Variants in UBE2O observed in about 807,000 individuals in gnomAD.
UBE2O encodes (E3-independent) E2 ubiquitin-conjugating enzyme.
In UBE2O, 15 loss-of-function variants were observed where a neutral mutation model predicts 125.8. The ratio of observed to expected loss-of-function variants is 0.12; its 90% CI spans 0.08 to 0.18. The LOEUF is 0.18. Ranked by LOEUF, UBE2O falls within the 10% of genes least tolerant of loss-of-function variation. The probability of loss-of-function intolerance (pLI) is 1.00; values close to 1 mark genes in which losing one functional copy is unlikely to be tolerated. For missense variants in UBE2O, 1,280 were observed against 1,723.6 expected, an observed-to-expected ratio of 0.74 and a Z score of 4.56; for synonymous variants, 708 against 703.2, an observed-to-expected ratio of 1.01 and a Z score of -0.11.
At chr17:76,427,698 T>C (rs1415915047) in intron 1 of UBE2O, among the ~76,000 whole-genome samples, 6 of 152,232 alleles carry the variant, frequency 3.9e-5, no homozygotes, top group Non-Finnish European at 7.3e-5. Context: ...TCCTGCAACA[T>C]GTAGATGTTA....
At chr17:76,394,506 T>A (rs1038638737) in intron 15 of UBE2O, among the ~76,000 whole-genome samples, 1 of 152,196 alleles carries the variant, frequency 6.6e-6, no homozygotes, top group African/African-American at 2.4e-5. Flanking sequence ...AGAAACTAGA[T>A]CATTATGAAT....
chr17:76,424,872 T>A (rs2072780034), intron 1 of UBE2O, among the ~76,000 whole-genome samples: 1 of 148,870 alleles, frequency 6.7e-6, no homozygotes, highest in Admixed American at 6.7e-5. Context: ...TATTTTTTAT[T>A]TTTTTTTTTT....
rs373417537 is a variant in UBE2O, at chr17:76,404,987, C to T, written c.588+219G>A. Among the ~76,000 whole-genome samples the T allele has an allele frequency of 2.0e-3, 310 of 152,238 alleles. 2 individuals carry two copies. In the South Asian group the frequency reaches 0.026, roughly 13 times the overall value. ...AAGATAACCACACTGGCAGCCTATG[C>T]TGGGGTTGGGGAAGGGCACGTCCTG... On this transcript the variant is annotated intron_variant, in intron 3 of 17. Transcript: ENST00000319380. The surrounding 1 kb of genome is among the most constrained non-coding windows in gnomAD (Gnocchi z 4.3).
intron 1 of UBE2O, among the ~76,000 whole-genome samples, chr17:76,437,806 G>A (rs964838856): frequency 1.3e-5 from 2 of 152,154 alleles, no homozygotes; most frequent in African/African-American, 4.8e-5. Flanking sequence ...GGGATACGAG[G>A]ACTTTCTGTA....
intron 1 of UBE2O, among the ~76,000 whole-genome samples, chr17:76,440,832 T>G (rs937302903): frequency 6.6e-6 from 1 of 152,220 alleles, no homozygotes; most frequent in Non-Finnish European, 1.5e-5. Flanking sequence ...TGAGTTGTTG[T>G]GAAGGAGACA....
rs367658458 is a variant in UBE2O, at chr17:76,400,252, C to T, written c.1050G>A (p.Gly350=). The change falls in exon 8 of 18, where the codon GGG becomes GGA. Residue 350 remains glycine, a synonymous_variant. Coordinates refer to ENST00000319380, the MANE Select transcript of UBE2O (RefSeq NM_022066.4). The surrounding 1 kb of genome is among the most constrained non-coding windows in gnomAD (Gnocchi z 4.3). ...CTGGGAAGACATACAGACAGCGCTC[C>T]CCAAGCTGCCGCTGAGCATGGTCAA... ...GCFDHAQRQL[G]ERCLYVFPAK... is the part of the protein sequence containing the mutation. 1.2e-6 allele frequency: 2 copies of T among 1,613,982 alleles called. No homozygotes were observed. Among genetic ancestry groups the T allele is most frequent in the Non-Finnish European group, 1.7e-6 (2 of 1,180,014 alleles).
At chr17:76,442,939 T>A (rs1039358392) in intron 1 of UBE2O, among the ~76,000 whole-genome samples, 1 of 152,148 alleles carries the variant, frequency 6.6e-6, no homozygotes, top group African/African-American at 2.4e-5. Context: ...GCAAGAGGCC[T>A]CTCAAAGAAC....
intron 1 of UBE2O, among the ~76,000 whole-genome samples, chr17:76,450,741 C>T (rs1467312241): frequency 1.3e-5 from 2 of 152,142 alleles, no homozygotes; most frequent in Admixed American, 1.3e-4. Context: ...CCCGCCTCAG[C>T]CTCCCGAGTA....
intron 1 of UBE2O, among the ~76,000 whole-genome samples, chr17:76,450,717 G>A (rs938038871): frequency 1.3e-5 from 2 of 152,060 alleles, no homozygotes; most frequent in African/African-American, 2.4e-5. Context: ...CGCCTCCCTG[G>A]TTCAAGCAAT....
intron 1 of UBE2O, among the ~76,000 whole-genome samples, chr17:76,409,436 G>T (rs112823298): frequency 6.6e-6 from 1 of 151,048 alleles, no homozygotes; most frequent in African/African-American, 2.4e-5. Flanking sequence ...TCGCTTTGTC[G>T]CCCAGGTTGG....
intron 1 of UBE2O, among the ~76,000 whole-genome samples, chr17:76,414,984 T>G (rs749237308): frequency 3.3e-5 from 5 of 152,126 alleles, no homozygotes; most frequent in Non-Finnish European, 7.4e-5. Flanking sequence ...AAAGTATAAG[T>G]AGAAGGCAGA....
rs1567830863 is a variant in UBE2O, at chr17:76,395,957, C to T, written c.2810-96G>A. ...ACAGGTGAGCACACCCACAGACTTC[C>T]CACTCGCCGCTGCTGGCCTCAGCAC... On this transcript the variant is annotated intron_variant, in intron 14 of 17. Coordinates refer to ENST00000319380, the MANE Select transcript of UBE2O (RefSeq NM_022066.4). The surrounding 1 kb of genome is among the most constrained non-coding windows in gnomAD (Gnocchi z 5.0). 1.3e-6 allele frequency: 2 copies of T among 1,561,586 alleles called. No homozygotes were observed. The highest frequency in any genetic ancestry group is 1.7e-6 in the Non-Finnish European group (2 of 1,145,544).
At chr17:76,414,892 C>T (rs892225442) in intron 1 of UBE2O, among the ~76,000 whole-genome samples, 7 of 152,200 alleles carry the variant, frequency 4.6e-5, no homozygotes, top group African/African-American at 1.7e-4. Flanking sequence ...TAAAAAAAGA[C>T]AAGAACAGCC....
chr17:76,441,336 C>T (rs1349920213), intron 1 of UBE2O, among the ~76,000 whole-genome samples: 1 of 152,226 alleles, frequency 6.6e-6, no homozygotes, highest in Admixed American at 6.5e-5. Context: ...TTCTTAGCAA[C>T]AGCAGTGCAT....
chr17:76,448,564 G>A (rs1299728862), intron 1 of UBE2O, among the ~76,000 whole-genome samples: 1 of 152,164 alleles, frequency 6.6e-6, no homozygotes, highest in Non-Finnish European at 1.5e-5. Context: ...TAATTTAGAG[G>A]CACTATATCT....
rs2072503709 is a variant in UBE2O, at chr17:76,410,895, A to G, written c.418-5323T>C. Among the ~76,000 whole-genome samples, 2 of 152,240 alleles carry G rather than the reference A, an allele frequency of 1.3e-5. No individual in the cohort carries two copies. Among genetic ancestry groups the G allele is most frequent in the Admixed American group, 6.5e-5 (1 of 15,288 alleles). On this transcript the variant is annotated intron_variant, in intron 1 of 17. Transcript: ENST00000319380. This position sits in a 1 kb window ranked among gnomAD's most constrained non-coding sequence, Gnocchi z 4.0. ...CAGCTCCTGGTCCAGACTCTCATTC[A>G]TAACACTGACCTTGACTGACCAGGT...
At chr17:76,421,278 A>T (rs969174586) in intron 1 of UBE2O, among the ~76,000 whole-genome samples, 1 of 152,138 alleles carries the variant, frequency 6.6e-6, no homozygotes, top group African/African-American at 2.4e-5. Flanking sequence ...CTGACACCAC[A>T]TGGTCACCAT....
In UBE2O at chr17:76,399,178, G is replaced by C; in HGVS notation, c.1629-187C>G. The C allele has an allele frequency of 1.2e-6, 1 of 822,022 alleles. No individual in the cohort carries two copies. The highest frequency in any genetic ancestry group is 1.9e-6 in the Non-Finnish European group (1 of 538,576). The allele number at this position is 822,022 out of a possible 1,614,324, so 50.9% of individuals were successfully genotyped here. On this transcript the variant is annotated intron_variant, in intron 9 of 17. Transcript: ENST00000319380. This position sits in a 1 kb window ranked among gnomAD's most constrained non-coding sequence, Gnocchi z 6.9. ...GGTTCCAAGGCCACGCATTCTCTGA[G>C]AACAGGATCCACTTGGGAGAGCTCA...
chr17:76,436,707 T>C lies in UBE2O; in HGVS notation c.417+16018A>G, dbSNP rs977277015. ...TGCCTCTCTTTACAAAGCATCCTACTTGACCCCTTGCCCTGACATCAAAAG... is the reference window on the plus strand; with the variant it reads ...TGCCTCTCTTTACAAAGCATCCTACCTGACCCCTTGCCCTGACATCAAAAG... On this transcript the variant is annotated intron_variant, in intron 1 of 17. Coordinates refer to ENST00000319380, the MANE Select transcript of UBE2O (RefSeq NM_022066.4). Among the ~76,000 whole-genome samples the C allele has an allele frequency of 3.9e-5, 6 of 152,186 alleles. 1 individual carries two copies. Among genetic ancestry groups the C allele is most frequent in the Admixed American group, 3.9e-4 (6 of 15,280 alleles).
Sources: allele counts gnomAD v4.1 joint callset (sites outside exome capture counted in the v4.1 genomes callset), GRCh38; gene constraint gnomAD v4.1.1; non-coding constraint Gnocchi (gnomAD v3.1); transcripts MANE v1.5; gene names NCBI Gene and HGNC (gene_info 2026-07-23, HGNC 2026-07-21).